Variants in LRRC74B observed in about 807,000 individuals in gnomAD.
LRRC74B encodes leucine-rich repeat-containing protein 74B.
Under a neutral mutation model 16.6 loss-of-function variants are expected in LRRC74B, and 30 were observed. The observed-to-expected ratio is 1.80, with a 90% CI of 1.35 to 2.45. LRRC74B has a LOEUF of 2.45. Ranked by LOEUF, LRRC74B falls within the 30% of genes most tolerant of loss-of-function variation. LRRC74B has a pLI of 0.00. For synonymous variants in LRRC74B, 134 were observed against 86.0 expected (o/e 1.56, Z -3.09); for missense variants, 326 against 202.4 (o/e 1.61, Z -3.71).
At chr22:21,047,820 A>G (rs1441662946) in intron 2 of LRRC74B, 64 bp from the exon 3 acceptor site, 2 of 702,052 alleles carry the variant, frequency 2.8e-6, no homozygotes, top group East Asian at 2.7e-5. Flanking sequence ...GAGGATGTGG[A>G]GTGGGCTGAG....
At chr22:21,062,756 A>G (rs1056553187), downstream of LRRC74B, 2 of 149,278 alleles carry the variant, frequency 1.3e-5, no homozygotes, top group Admixed American at 1.3e-4. Flanking sequence ...GGCTCAGCGC[A>G]CTGGCACATG....
intron 8 of LRRC74B, among the ~76,000 whole-genome samples, chr22:21,058,352 A>G (rs370202393): frequency 2.0e-4 from 30 of 152,084 alleles, no homozygotes; most frequent in African/African-American, 5.8e-4. Flanking sequence ...CTCTACAAAA[A>G]GCTTTTTAAA....
intron 8 of LRRC74B, among the ~76,000 whole-genome samples, chr22:21,060,120 T>C (rs576304121): frequency 2.5e-4 from 38 of 152,210 alleles, no homozygotes; most frequent in South Asian, 1.7e-3. Context: ...AAGTGAGCTA[T>C]GATTGAGCCA....
chr22:21,050,777 CAAAAAAA>C lies in LRRC74B; in HGVS notation c.623-1454_623-1448del, dbSNP rs71188205. 1.2e-3 allele frequency among the ~76,000 whole-genome samples: 120 copies of C among 104,102 alleles called. 1 individual carries two copies. Among genetic ancestry groups the C allele is most frequent in the Middle Eastern group, 9.3e-3 (2 of 216 alleles). The allele number at this position is 104,102 out of a possible 152,430, so 68.3% of individuals were successfully genotyped here. A position where few individuals can be genotyped will look rare whatever the true frequency, so the allele number is the denominator to read the frequency against. ...TGGGCGAAAGAGCGAGACTCTGTCT[CAAAAAAA>C]AAAAAAAAAAAAAAAAAGTGAGACT... is the stretch of plus-strand genomic sequence containing the variant. On this transcript the variant is annotated intron_variant, in intron 4 of 8. Transcript: ENST00000442047.
downstream of LRRC74B, among the ~76,000 whole-genome samples, chr22:21,060,823 A>G (rs1930774817): frequency 6.6e-6 from 1 of 152,092 alleles, no homozygotes; most frequent in South Asian, 2.1e-4. Flanking sequence ...TGCCCTCCCC[A>G]TGTTCATGTT....
intron 3 of LRRC74B, 100 bp from the exon 4 acceptor site, chr22:21,048,851 C>G: frequency 3.0e-6 from 2 of 657,320 alleles, no homozygotes; most frequent in Non-Finnish European, 5.7e-6. Context: ...ACCTGTAAGT[C>G]CCCTTCCTCA....
chr22:21,047,216 A>G, intron 1 of LRRC74B, 140 bp from the exon 2 acceptor site: 2 of 597,292 alleles, frequency 3.3e-6, no homozygotes. Flanking sequence ...CATCTGTCAT[A>G]TGGGAGCAGT....
In LRRC74B at chr22:21,045,994, G is replaced by T. The variant is rs1349857493; in HGVS notation, c.8G>T (p.Gly3Val). The change falls in exon 1 of 9, where the codon GGT (glycine) becomes GTT (valine). Residue 3 changes from glycine (G) to valine (V), a missense_variant. Coordinates refer to ENST00000442047, the Ensembl canonical transcript of LRRC74B. ...TGCGAGAGGGTCGTAACCATGAGGG[G>T]TTCCTGTGAGAGGTCTGGGGAGGAT... The T allele has an allele frequency of 1.5e-5, 11 of 717,462 alleles. No individual in the cohort carries two copies. The East Asian group carries it at 2.7e-4, about 17-fold the overall frequency. The allele number at this position is 717,462 out of a possible 1,614,324, so 44.4% of individuals were successfully genotyped here.
intron 8 of LRRC74B, among the ~76,000 whole-genome samples, chr22:21,058,836 C>A (rs1930673455): frequency 6.6e-6 from 1 of 152,212 alleles, no homozygotes; most frequent in Non-Finnish European, 1.5e-5. Context: ...TTATCAGAAG[C>A]CCCTAGTCTT....
intron 8 of LRRC74B, 75 bp from the exon 9 acceptor site, chr22:21,060,298 T>A: frequency 1.6e-6 from 1 of 635,808 alleles, no homozygotes; most frequent in Non-Finnish European, 2.9e-6. Flanking sequence ...CTCTGAGACC[T>A]TGCGTGTGTG....
downstream of LRRC74B, chr22:21,062,706 C>G (rs1275457583): frequency 9.3e-6 from 1 of 108,084 alleles, no homozygotes; most frequent in Non-Finnish European, 1.8e-5. Context: ...GAGCAAGACT[C>G]GGTCTCAAAA....
rs71188205 is a variant in LRRC74B, at chr22:21,050,777, CAAAAAA to C, written c.623-1453_623-1448del. Among the ~76,000 whole-genome samples the C allele has an allele frequency of 3.8e-5, 4 of 104,180 alleles. No homozygotes were observed. The East Asian group carries it at 2.3e-3, about 61-fold the overall frequency. The allele number at this position is 104,180 out of a possible 152,430, so 68.3% of individuals were successfully genotyped here. ...TGGGCGAAAGAGCGAGACTCTGTCT[CAAAAAA>C]AAAAAAAAAAAAAAAAAAGTGAGAC... On this transcript the variant is annotated intron_variant, in intron 4 of 8. Transcript: ENST00000442047.
intron 8 of LRRC74B, among the ~76,000 whole-genome samples, chr22:21,057,673 A>G (rs933415810): frequency 2.1e-5 from 3 of 140,336 alleles, no homozygotes; most frequent in Non-Finnish European, 3.1e-5. Context: ...GTTGCAGTGC[A>G]GTGGTGTGAT....
intron 4 of LRRC74B, among the ~76,000 whole-genome samples, chr22:21,051,979 CCT>C (rs1399237665): frequency 1.3e-5 from 2 of 152,198 alleles, no homozygotes; most frequent in African/African-American, 4.8e-5. Context: ...TCTCCTCTGT[CCT>C]CTTTCCTGAC....
chr22:21,062,153 T>C (rs442656), downstream of LRRC74B: 134,903 of 152,238 alleles, frequency 0.89, 59,829 homozygotes, highest in East Asian at 0.99. Context: ...ATCCGGAGTA[T>C]GCAAATCTAT....
intron 4 of LRRC74B, among the ~76,000 whole-genome samples, chr22:21,051,049 G>A (rs1161951238): frequency 2.6e-5 from 4 of 151,830 alleles, no homozygotes; most frequent in Non-Finnish European, 5.9e-5. Context: ...TCAGTCAGGA[G>A]GCTGAGGTGG....
intron 3 of LRRC74B, chr22:21,048,556 AGTGT>A (rs919734091): frequency 7.3e-5 from 21 of 286,916 alleles, no homozygotes; most frequent in Admixed American, 4.2e-4. Context: ...TGGTCAGAAG[AGTGT>A]GTGACCCATG....
exon 6 of LRRC74B, chr22:21,053,410 T>C (rs1488854772): frequency 8.4e-5 from 60 of 717,502 alleles, no homozygotes; most frequent in Non-Finnish European, 1.1e-4. Context: ...GCTTTGGGGA[T>C]CCTGGAGCCT....
chr22:21,060,055 A>G (rs919716430), intron 8 of LRRC74B, among the ~76,000 whole-genome samples: 8 of 152,008 alleles, frequency 5.3e-5, no homozygotes, highest in African/African-American at 1.9e-4. Context: ...AGTCCCTGCT[A>G]TTCTGGAGGC....
Sources: gnomAD v4.1 joint callset for allele counts (sites outside exome capture counted in the v4.1 genomes callset) on GRCh38, gnomAD v4.1.1 for gene constraint, MANE v1.5 for transcripts, NCBI Gene and HGNC (gene_info 2026-07-23, HGNC 2026-07-21) for gene names.